Variants in ADCY2 observed in about 807,000 individuals in gnomAD.
ADCY2 encodes the protein adenylate cyclase 2.
In ADCY2, 31 loss-of-function variants were observed where a neutral mutation model predicts 125.2. The observed-to-expected ratio is 0.25, with a 90% CI of 0.19 to 0.33. ADCY2 has a LOEUF of 0.33. Ranked by LOEUF, ADCY2 falls within the 10% of genes least tolerant of loss-of-function variation. The pLI is 1.00. For synonymous variants in ADCY2, 512 were observed against 548.4 expected, an observed-to-expected ratio of 0.93 and a Z score of 0.93; for missense variants, 904 against 1,418.2, an observed-to-expected ratio of 0.64 and a Z score of 5.82.
intron 14 of ADCY2, 39 bp from the exon 15 acceptor site, chr5:7,743,629 G>A (rs74715125): frequency 5.0e-6 from 8 of 1,584,748 alleles, no homozygotes; most frequent in African/African-American, 2.7e-5. Flanking sequence ...TGAGAGAAAC[G>A]ATCTCCACCC....
At chr5:7,575,664 A>G (rs1049074554) in intron 3 of ADCY2, among the ~76,000 whole-genome samples, 17 of 152,138 alleles carry the variant, frequency 1.1e-4, no homozygotes, top group African/African-American at 4.1e-4. Context: ...AAAGCCATTC[A>G]TTTTATATTT....
At position 7,510,441 on chromosome 5, in the gene ADCY2, C is replaced by T. The variant is rs147535296; in HGVS notation, c.409-10297C>T. Among the ~76,000 whole-genome samples the T allele has an allele frequency of 4.3e-4, 65 of 152,276 alleles. 1 individual carries two copies. The highest frequency in any genetic ancestry group is 1.5e-3 in the African/African-American group (62 of 41,560). On this transcript the variant is annotated intron_variant, in intron 2 of 24. Coordinates refer to ENST00000338316, the MANE Select transcript of ADCY2 (RefSeq NM_020546.3). ...CAACCCTTCGGAGCAGTGTGGGTCA[C>T]AGGCACAGCACCTGGGAAGCAGGGT... is the stretch of plus-strand genomic sequence containing the variant.
At chr5:7,547,762 C>T (rs1330070685) in intron 3 of ADCY2, among the ~76,000 whole-genome samples, 2 of 152,198 alleles carry the variant, frequency 1.3e-5, no homozygotes, top group Non-Finnish European at 2.9e-5. Flanking sequence ...AGTCACTTCT[C>T]TCATGGTTTT....
chr5:7,465,611 G>A (rs910486800), intron 2 of ADCY2, among the ~76,000 whole-genome samples: 1 of 152,204 alleles, frequency 6.6e-6, no homozygotes, highest in East Asian at 1.9e-4. Flanking sequence ...TTTTCAGAAA[G>A]AAGCTACACA....
At chr5:7,718,014 T>C (rs1000232055) in intron 12 of ADCY2, among the ~76,000 whole-genome samples, 1 of 152,214 alleles carries the variant, frequency 6.6e-6, no homozygotes, top group South Asian at 2.1e-4. Context: ...TATGGAGACC[T>C]ATTTAATTTT....
At chr5:7,707,588 G>A (rs781458610) in intron 8 of ADCY2, 118 bp from the exon 9 acceptor site, 52 of 1,187,892 alleles carry the variant, frequency 4.4e-5, no homozygotes, top group Non-Finnish European at 5.6e-5. Flanking sequence ...CTTTAATTGC[G>A]GTCAGTGCTC....
intron 13 of ADCY2, among the ~76,000 whole-genome samples, chr5:7,724,863 C>T (rs935631232): frequency 6.6e-6 from 1 of 151,940 alleles, no homozygotes; most frequent in Non-Finnish European, 1.5e-5. Context: ...GCAATGTGTG[C>T]GAAATATCCC....
chr5:7,422,683 T>C (rs1183248150), intron 2 of ADCY2, among the ~76,000 whole-genome samples: 1 of 152,250 alleles, frequency 6.6e-6, no homozygotes, highest in East Asian at 1.9e-4. Context: ...CTCGAAAGGC[T>C]AACATTTTTC....
intron 21 of ADCY2, among the ~76,000 whole-genome samples, chr5:7,803,116 C>G (rs988112530): frequency 9.2e-5 from 14 of 152,180 alleles, no homozygotes; most frequent in Non-Finnish European, 5.9e-5. Flanking sequence ...CACTTTCTGT[C>G]ACCACCATCA....
At chr5:7,720,939 A>C (rs1741738673) in intron 12 of ADCY2, among the ~76,000 whole-genome samples, 1 of 152,196 alleles carries the variant, frequency 6.6e-6, no homozygotes, top group African/African-American at 2.4e-5. Context: ...GGCAAATGGA[A>C]TTTCTAGTTC....
At chr5:7,809,468 A>G (rs1744864902) in intron 22 of ADCY2, among the ~76,000 whole-genome samples, 1 of 152,240 alleles carries the variant, frequency 6.6e-6, no homozygotes, top group Non-Finnish European at 1.5e-5. Flanking sequence ...CCTGCCCAAA[A>G]TGGGCTTAAG....
intron 4 of ADCY2, among the ~76,000 whole-genome samples, chr5:7,685,918 G>A (rs1561166506): frequency 6.6e-6 from 1 of 152,306 alleles, no homozygotes; most frequent in East Asian, 1.9e-4. Flanking sequence ...TCTGGTGTTT[G>A]TCCACTCTGT....
intron 1 of ADCY2, among the ~76,000 whole-genome samples, chr5:7,408,286 A>C (rs1002200869): frequency 3.3e-5 from 5 of 152,180 alleles, no homozygotes; most frequent in Admixed American, 2.6e-4. Context: ...TAATTTTCCC[A>C]CCAGACACCA....
intron 4 of ADCY2, among the ~76,000 whole-genome samples, chr5:7,682,707 A>G (rs967211767): frequency 1.3e-5 from 2 of 152,148 alleles, no homozygotes; most frequent in African/African-American, 4.8e-5. Flanking sequence ...TGCTTTTCAG[A>G]GGAGCCTCAT....
At chr5:7,478,196 G>A (rs1742590655) in intron 2 of ADCY2, among the ~76,000 whole-genome samples, 1 of 152,108 alleles carries the variant, frequency 6.6e-6, no homozygotes, top group Non-Finnish European at 1.5e-5. Flanking sequence ...AGGTGAGCAG[G>A]GTTGTCTTTG....
intron 4 of ADCY2, among the ~76,000 whole-genome samples, chr5:7,648,817 A>G (rs1738989635): frequency 6.6e-6 from 1 of 152,170 alleles, no homozygotes; most frequent in Non-Finnish European, 1.5e-5. Flanking sequence ...GGCAAAATAG[A>G]TTTTCTGTCA....
At chr5:7,642,163 C>A (rs1379759931) in intron 4 of ADCY2, among the ~76,000 whole-genome samples, 2 of 152,138 alleles carry the variant, frequency 1.3e-5, no homozygotes, top group Admixed American at 1.3e-4. Flanking sequence ...ATTCCCTTTC[C>A]TCCACAGCCT....
chr5:7,585,901 C>T (rs541709860), intron 3 of ADCY2, among the ~76,000 whole-genome samples: 21 of 152,318 alleles, frequency 1.4e-4, no homozygotes, highest in African/African-American at 5.1e-4. Context: ...GTCATCATTT[C>T]GCGATTTGTA....
intron 24 of ADCY2, 65 bp from the exon 25 acceptor site, chr5:7,826,654 T>C: frequency 6.2e-7 from 1 of 1,608,228 alleles, no homozygotes; most frequent in South Asian, 1.1e-5. Flanking sequence ...TCTGCATCCT[T>C]GAGTCAGATG....
Sources: allele counts gnomAD v4.1 joint callset (sites outside exome capture counted in the v4.1 genomes callset), GRCh38; gene constraint gnomAD v4.1.1; transcripts MANE v1.5; gene names NCBI Gene and HGNC (gene_info 2026-07-23, HGNC 2026-07-21).